CYBB: variants seen among roughly 807,000 people sequenced by gnomAD.
The protein encoded by CYBB is cytochrome b-245 beta chain.
Under a neutral mutation model 46.5 loss-of-function variants are expected in CYBB, and 5 were observed. The observed-to-expected ratio is 0.11, with a 90% CI of 0.06 to 0.23. The LOEUF is 0.23. Ranked by LOEUF, CYBB falls within the 10% of genes least tolerant of loss-of-function variation. The probability of loss-of-function intolerance (pLI) is 1.00; values close to 1 mark genes in which losing one functional copy is unlikely to be tolerated. For synonymous variants in CYBB, 183 were observed against 156.7 expected (o/e 1.17, Z -1.26); for missense variants, 307 against 428.3 (o/e 0.72, Z 2.50).
intron 11 of CYBB, among the ~76,000 whole-genome samples, chrX:37,806,754 T>C (rs1386075006): frequency 9.0e-6 from 1 of 111,579 alleles, no homozygotes; most frequent in African/African-American, 3.3e-5. Context: ...AAGCCATCAC[T>C]TTGACATTAT....
At chrX:37,786,616 G>C (rs782556158) in intron 3 of CYBB, among the ~76,000 whole-genome samples, 1 of 111,276 alleles carries the variant, frequency 9.0e-6, no homozygotes, top group African/African-American at 3.3e-5. Flanking sequence ...ACCACTCCAG[G>C]AAAGGTAGGG....
At chrX:37,792,790 G>A (rs1929225395) in intron 4 of CYBB, among the ~76,000 whole-genome samples, 1 of 110,904 alleles carries the variant, frequency 9.0e-6, no homozygotes, top group Non-Finnish European at 1.9e-5. Context: ...ATTTAACTGA[G>A]TTTCTCTTCT....
chrX:37,806,686 A>T (rs1329750948), intron 11 of CYBB, among the ~76,000 whole-genome samples, 153 bp downstream of exon 11: 3 of 111,539 alleles, frequency 2.7e-5, no homozygotes, highest in Non-Finnish European at 5.7e-5. Flanking sequence ...TAGTATCGCC[A>T]CATTATATTT....
rs1929434237 is a variant in CYBB, at chrX:37,801,320, G to A, written c.869G>A (p.Arg290Gln). ...YLCERLVRFW[R>Q]SQQKVVITKV... ...TGTGAGAGGTTGGTGCGGTTTTGGCGATCTCAACAGAAGGTGGTCATCACC... is the reference window on the plus strand; with the variant it reads ...TGTGAGAGGTTGGTGCGGTTTTGGCAATCTCAACAGAAGGTGGTCATCACC... The change falls in exon 8 of 13, where the codon CGA (arginine) becomes CAA (glutamine). Residue 290 changes from arginine (R) to glutamine (Q), a missense_variant. This residue lies in a region of CYBB where 82 missense variants were observed against 69.9 expected (regional missense o/e 1.17). Coordinates refer to ENST00000378588, the MANE Select transcript of CYBB (RefSeq NM_000397.4). 1 of 1,204,428 alleles carries A rather than the reference G, an allele frequency of 8.3e-7. No homozygotes were observed. Among genetic ancestry groups the A allele is most frequent in the Non-Finnish European group, 1.1e-6 (1 of 889,275 alleles).
chrX:37,796,451 G>A (rs1011579334), intron 6 of CYBB, among the ~76,000 whole-genome samples: 4 of 109,145 alleles, frequency 3.7e-5, no homozygotes, highest in Non-Finnish European at 7.7e-5. Context: ...CATCTGCAAT[G>A]ATATCCTCTA....
At chrX:37,784,754 A>T (rs1929025910) in intron 3 of CYBB, among the ~76,000 whole-genome samples, 1 of 111,650 alleles carries the variant, frequency 9.0e-6, no homozygotes, top group South Asian at 3.7e-4. Flanking sequence ...TTAAGTAGAG[A>T]TCACTTATGG....
intron 3 of CYBB, among the ~76,000 whole-genome samples, chrX:37,783,865 TAC>T (rs1283433000): frequency 9.0e-6 from 1 of 110,996 alleles, no homozygotes; most frequent in Non-Finnish European, 1.9e-5. Context: ...CGTACACGTT[TAC>T]ACACACACAC....
rs185542579 is a variant in CYBB at position 37,793,564 on chromosome X, T to C, written c.338-101T>C. 1.6e-4 allele frequency: 155 copies of C among 941,382 alleles called. 1 individual carries two copies. In the African/African-American group the frequency reaches 2.3e-3, roughly 14 times the overall value. The allele number at this position is 941,382 out of a possible 1,213,427, so 77.6% of individuals were successfully genotyped here. ...TGTCCTGGGCCTCCCTTTGTCTCCC[T>C]GTGGCTTATCATAGAGTCAGAGGCT... is the stretch of plus-strand genomic sequence containing the variant. On this transcript the variant is annotated intron_variant, in intron 4 of 12. Coordinates refer to ENST00000378588, the MANE Select transcript of CYBB (RefSeq NM_000397.4).
At chrX:37,801,177 T>G (rs912006447) in intron 7 of CYBB, 79 bp from the exon 8 acceptor site, 77 of 676,030 alleles carry the variant, frequency 1.1e-4, no homozygotes, top group Non-Finnish European at 1.8e-4. Flanking sequence ...ACTTGGCTTC[T>G]AAAATTTTTC....
chrX:37,801,543 A>T (rs1929438750), intron 8 of CYBB, among the ~76,000 whole-genome samples, 195 bp downstream of exon 8: 1 of 109,928 alleles, frequency 9.1e-6, no homozygotes, highest in Non-Finnish European at 1.9e-5. Flanking sequence ...TTTGATGTTA[A>T]AATGAAGCCA....
chrX:37,793,611 A>G, intron 4 of CYBB, 54 bp from the exon 5 acceptor site: 2 of 1,180,555 alleles, frequency 1.7e-6, no homozygotes, highest in Non-Finnish European at 1.1e-6. Flanking sequence ...CCAGCTTACA[A>G]TAAATTTGTT....
rs57325016 is a variant in CYBB, at chrX:37,795,890, ATG to A, written c.484-15_484-14del. The A allele has an allele frequency of 0.08, 42,414 of 529,831 alleles. 243 individuals carry two copies. Among genetic ancestry groups the A allele is most frequent in the East Asian group, 0.22 (4,895 of 22,186 alleles). 43.7% of individuals were successfully genotyped at this position (529,831 alleles called of 1,213,427 possible). On this transcript the variant is annotated intron_variant, in intron 5 of 12. Transcript: ENST00000378588. ...AACCTATAATATTGTGCTTGCGCAC[ATG>A]TGTGTGTGTGTGTGTGTGTGTGTGT...
At chrX:37,789,474 GGAAA>G (rs58215140) in intron 3 of CYBB, among the ~76,000 whole-genome samples, 20,978 of 82,755 alleles carry the variant, frequency 0.25, 1,916 homozygotes, top group Non-Finnish European at 0.28. Flanking sequence ...AAAGAAAGAA[GGAAA>G]GAAAGAAAGA....
At chrX:37,797,044 G>A (rs1929327308) in intron 6 of CYBB, among the ~76,000 whole-genome samples, 3 of 111,243 alleles carry the variant, frequency 2.7e-5, no homozygotes, top group Non-Finnish European at 5.7e-5. Context: ...TTCCCTGGTG[G>A]GTATAGGGCT....
intron 5 of CYBB, among the ~76,000 whole-genome samples, chrX:37,795,520 G>A (rs1929281506): frequency 8.9e-6 from 1 of 111,760 alleles, no homozygotes; most frequent in Non-Finnish European, 1.9e-5. Flanking sequence ...CTCAGGATCT[G>A]CTTCTGGGGA....
At chrX:37,805,572 G>A (rs1346462755) in intron 10 of CYBB, among the ~76,000 whole-genome samples, 1 of 111,533 alleles carries the variant, frequency 9.0e-6, no homozygotes, top group Non-Finnish European at 1.9e-5. Flanking sequence ...TATAGAAAGT[G>A]TTTTTCAATG....
intron 5 of CYBB, among the ~76,000 whole-genome samples, chrX:37,794,326 C>T (rs1310626930): frequency 9.0e-6 from 1 of 111,093 alleles, no homozygotes; most frequent in African/African-American, 3.3e-5. Context: ...GATAAGGTAT[C>T]TTAATTATTT....
chrX:37,804,795 T>C (rs1929520148), intron 9 of CYBB, among the ~76,000 whole-genome samples: 1 of 111,754 alleles, frequency 8.9e-6, no homozygotes, highest in African/African-American at 3.3e-5. Flanking sequence ...CGAATGTTTT[T>C]GGTTAGCCAA....
intron 11 of CYBB, among the ~76,000 whole-genome samples, chrX:37,807,284 T>C (rs1312480332): frequency 9.1e-6 from 1 of 110,003 alleles, no homozygotes; most frequent in Non-Finnish European, 1.9e-5. Flanking sequence ...TCTGTTTATA[T>C]AACATACATA....
Sources: allele counts gnomAD v4.1 joint callset (sites outside exome capture counted in the v4.1 genomes callset), GRCh38; gene constraint gnomAD v4.1.1; regional missense constraint gnomAD v4.1.1; transcripts MANE v1.5; gene names NCBI Gene and HGNC (gene_info 2026-07-23, HGNC 2026-07-21).